The following TGFBR2 variants were observed in gnomAD, a reference collection of about 807,000 sequenced individuals.
TGFBR2 encodes the protein transforming growth factor beta receptor 2.
TGFBR2 carries 18 observed loss-of-function variants against 49.0 expected under a neutral mutation model. The observed-to-expected ratio is 0.37, with a 90% CI of 0.25 to 0.54. The LOEUF (loss-of-function observed/expected upper bound fraction) is 0.54. TGFBR2 is among the 20% of genes least tolerant of loss of function. The probability of loss-of-function intolerance (pLI) is 0.85; values close to 1 mark genes in which losing one functional copy is unlikely to be tolerated. For missense variants in TGFBR2, 525 were observed against 722.6 expected, an observed-to-expected ratio of 0.73 and a Z score of 3.13; for synonymous variants, 282 against 275.9, an observed-to-expected ratio of 1.02 and a Z score of -0.22.
intron 1 of TGFBR2, among the ~76,000 whole-genome samples, chr3:30,640,397 C>G (rs1469807956): frequency 6.6e-6 from 1 of 152,164 alleles, no homozygotes; most frequent in Non-Finnish European, 1.5e-5. Flanking sequence ...ACAGTCATCT[C>G]TTGGTACCCA....
At chr3:30,686,940 A>G (rs775785002) in intron 5 of TGFBR2, among the ~76,000 whole-genome samples, 13 of 152,152 alleles carry the variant, frequency 8.5e-5, no homozygotes, top group Admixed American at 2.0e-4. Context: ...TCACTCAACA[A>G]AGCATTTGTT....
At chr3:30,609,109 C>G (rs1327870923) in intron 1 of TGFBR2, among the ~76,000 whole-genome samples, 1 of 152,142 alleles carries the variant, frequency 6.6e-6, no homozygotes, top group Non-Finnish European at 1.5e-5. Context: ...GGTATTTAGA[C>G]AGTTTTACAA....
At chr3:30,660,016 T>G (rs1699089671) in intron 3 of TGFBR2, among the ~76,000 whole-genome samples, 1 of 152,220 alleles carries the variant, frequency 6.6e-6, no homozygotes, top group African/African-American at 2.4e-5. Flanking sequence ...AGTCCTTTTG[T>G]ATTCTAAATC....
Position 30,606,791 on chromosome 3 carries a change from G to A in TGFBR2, c.-93G>A. The stretch of plus-strand genomic sequence containing the variant: ...CGCTGCCGGCCCGGCGCGGGGTCCG[G>A]AGAGGGCGCGGCGCGGAGGCGCAGC... On this transcript the variant is annotated 5_prime_UTR_variant, in exon 1 of 7. Transcript: ENST00000295754. 3 of 961,068 alleles carry A rather than the reference G, an allele frequency of 3.1e-6. No individual in the cohort carries two copies. Among genetic ancestry groups the A allele is most frequent in the Non-Finnish European group, 4.2e-6 (3 of 720,944 alleles). The allele number at this position is 961,068 out of a possible 1,614,324, so 59.5% of individuals were successfully genotyped here.
chr3:30,630,992 G>A, intron 1 of TGFBR2, among the ~76,000 whole-genome samples: 1 of 148,820 alleles, frequency 6.7e-6, no homozygotes, highest in South Asian at 2.1e-4. Context: ...AACAGACTAA[G>A]TTACCAACCT....
chr3:30,647,920 G>A (rs935525777), intron 2 of TGFBR2, among the ~76,000 whole-genome samples: 2 of 151,984 alleles, frequency 1.3e-5, no homozygotes, highest in African/African-American at 2.4e-5. Context: ...CTTGTGATCC[G>A]CCTGCCTCGG....
At chr3:30,691,128 G>T (rs1575166439) in intron 6 of TGFBR2, among the ~76,000 whole-genome samples, 1 of 152,286 alleles carries the variant, frequency 6.6e-6, no homozygotes, top group Non-Finnish European at 1.5e-5. Context: ...GTGTACCCCA[G>T]AAGCCCAGCA....
chr3:30,680,094 T>C (rs537657154), intron 5 of TGFBR2, among the ~76,000 whole-genome samples: 40 of 152,260 alleles, frequency 2.6e-4, no homozygotes, highest in South Asian at 6.2e-4. Context: ...CACTGCACTC[T>C]AGCCTGGGCG....
intron 3 of TGFBR2, among the ~76,000 whole-genome samples, chr3:30,666,828 T>C (rs1296383935): frequency 6.6e-6 from 1 of 151,312 alleles, no homozygotes; most frequent in Non-Finnish European, 1.5e-5. Flanking sequence ...TTTAAGTTTG[T>C]GTAGAGACAG....
chr3:30,690,609 C>T (rs764738316), intron 6 of TGFBR2, among the ~76,000 whole-genome samples: 5 of 152,158 alleles, frequency 3.3e-5, no homozygotes, highest in Non-Finnish European at 7.3e-5. Context: ...ACAATTCTGA[C>T]GGGGGTAATC....
chr3:30,655,335 A>G (rs1698975401), intron 3 of TGFBR2, among the ~76,000 whole-genome samples: 1 of 152,186 alleles, frequency 6.6e-6, no homozygotes, highest in Non-Finnish European at 1.5e-5. Flanking sequence ...GGATACCTAC[A>G]TATCACACCA....
At chr3:30,660,582 A>G (rs968586912) in intron 3 of TGFBR2, among the ~76,000 whole-genome samples, 5 of 152,210 alleles carry the variant, frequency 3.3e-5, no homozygotes, top group Admixed American at 3.3e-4. Context: ...CAGCTACCAC[A>G]GGAAGGAGCC....
intron 1 of TGFBR2, among the ~76,000 whole-genome samples, chr3:30,616,930 T>C (rs1698144436): frequency 6.6e-6 from 1 of 152,210 alleles, no homozygotes; most frequent in Non-Finnish European, 1.5e-5. Flanking sequence ...GTGGTAATAT[T>C]ATTCCTCTTT....
At chr3:30,657,372 G>T (rs1699024302) in intron 3 of TGFBR2, among the ~76,000 whole-genome samples, 1 of 152,144 alleles carries the variant, frequency 6.6e-6, no homozygotes, top group Non-Finnish European at 1.5e-5. Context: ...CGTGAGAAAT[G>T]ATGTGTATAA....
At chr3:30,655,324 T>C (rs1019856) in intron 3 of TGFBR2, among the ~76,000 whole-genome samples, 125,931 of 152,116 alleles carry the variant, frequency 0.83, 52,719 homozygotes, top group East Asian at 0.99. Flanking sequence ...ACTGAGCATT[T>C]GGATACCTAC....
intron 3 of TGFBR2, among the ~76,000 whole-genome samples, chr3:30,653,838 T>A (rs1169021884): frequency 6.6e-6 from 1 of 152,302 alleles, no homozygotes; most frequent in East Asian, 1.9e-4. Flanking sequence ...TGCAGGGAGC[T>A]CAGCCCTTTC....
chr3:30,648,460 A>ACACACACACACC (rs1553627538), intron 2 of TGFBR2, among the ~76,000 whole-genome samples: 8,795 of 142,316 alleles, frequency 0.062, 439 homozygotes, highest in Non-Finnish European at 0.073. Context: ...ACACACACAC[A>ACACACACACACC]CAAAACTGTG....
At chr3:30,626,167 A>C (rs1238874124) in intron 1 of TGFBR2, among the ~76,000 whole-genome samples, 2 of 152,192 alleles carry the variant, frequency 1.3e-5, no homozygotes, top group Non-Finnish European at 2.9e-5. Flanking sequence ...GAGGTTACAA[A>C]TGAAGAATTT....
chr3:30,622,111 A>G (rs1047125547), intron 1 of TGFBR2, among the ~76,000 whole-genome samples: 1 of 152,178 alleles, frequency 6.6e-6, no homozygotes, highest in Admixed American at 6.5e-5. Context: ...CTCTGATACA[A>G]TGTACTGTTT....
Sources: allele counts gnomAD v4.1 joint callset (sites outside exome capture counted in the v4.1 genomes callset), GRCh38; gene constraint gnomAD v4.1.1; transcripts MANE v1.5; gene names NCBI Gene and HGNC (gene_info 2026-07-23, HGNC 2026-07-21).